Variants in GRIP1 observed in about 807,000 individuals in gnomAD.
The protein encoded by GRIP1 is glutamate receptor interacting protein 1.
Under a neutral mutation model 129.9 loss-of-function variants are expected in GRIP1, and 45 were observed. The ratio of observed to expected loss-of-function variants is 0.35; its 90% CI spans 0.27 to 0.44. The LOEUF (loss-of-function observed/expected upper bound fraction) is 0.44, where lower values mean the gene tolerates loss of function less well. Ranked by LOEUF, GRIP1 falls within the 20% of genes least tolerant of loss-of-function variation. The probability of loss-of-function intolerance (pLI) is 1.00; values close to 1 mark genes in which losing one functional copy is unlikely to be tolerated. For synonymous variants in GRIP1, 530 were observed against 520.8 expected, an observed-to-expected ratio of 1.02 and a Z score of -0.24; for missense variants, 1,196 against 1,396.8, an observed-to-expected ratio of 0.86 and a Z score of 2.29.
chr12:66,766,423 GCACACGGCA>G (rs760886727), intron 1 of GRIP1, among the ~76,000 whole-genome samples: 1 of 152,184 alleles, frequency 6.6e-6, no homozygotes, highest in Non-Finnish European at 1.5e-5. Context: ...CTCTTTGCCA[GCACACGGCA>G]CACACACCTT....
intron 1 of GRIP1, among the ~76,000 whole-genome samples, chr12:66,780,292 G>T (rs548512452): frequency 1.9e-4 from 29 of 152,202 alleles, no homozygotes; most frequent in Non-Finnish European, 3.1e-4. Context: ...GGGAACAGGA[G>T]AACCTCCAAA....
At chr12:66,578,080 G>C (rs2063204389) in intron 2 of GRIP1, among the ~76,000 whole-genome samples, 1 of 152,102 alleles carries the variant, frequency 6.6e-6, no homozygotes, top group South Asian at 2.1e-4. Flanking sequence ...CAGGATGAGT[G>C]AAACTGCTGA....
chr12:66,969,350 A>C (rs2042040160), intron 1 of GRIP1, among the ~76,000 whole-genome samples: 1 of 152,028 alleles, frequency 6.6e-6, no homozygotes, highest in South Asian at 2.1e-4. Context: ...TTACCTGTAT[A>C]TGTATGTTTC....
At chr12:66,656,115 A>C (rs933540533) in intron 1 of GRIP1, among the ~76,000 whole-genome samples, 6 of 152,190 alleles carry the variant, frequency 3.9e-5, no homozygotes, top group Admixed American at 3.3e-4. Context: ...TTTTGAGAGC[A>C]ATGAGCCTGT....
chr12:66,973,720 T>C (rs868608765), intron 1 of GRIP1, among the ~76,000 whole-genome samples: 5 of 152,044 alleles, frequency 3.3e-5, no homozygotes, highest in African/African-American at 7.2e-5. Context: ...TAAAGTAATT[T>C]TGTAGGTACC....
intron 2 of GRIP1, among the ~76,000 whole-genome samples, chr12:66,576,287 C>G (rs2063136698): frequency 6.6e-6 from 1 of 152,188 alleles, no homozygotes; most frequent in Non-Finnish European, 1.5e-5. Flanking sequence ...GAAAATGATA[C>G]CCAAAGCCTG....
At chr12:66,458,314 C>T (rs1375801572) in intron 9 of GRIP1, among the ~76,000 whole-genome samples, 1 of 152,228 alleles carries the variant, frequency 6.6e-6, no homozygotes, top group African/African-American at 2.4e-5. Flanking sequence ...TGCATACCTA[C>T]CTTCCACAAC....
In GRIP1 at chr12:66,886,177, G is replaced by A. The variant is rs541503879; in HGVS notation, c.58+182873C>T. Among the ~76,000 whole-genome samples, 9 of 152,084 alleles carry A rather than the reference G, an allele frequency of 5.9e-5. No homozygotes were observed. In the South Asian group the frequency reaches 1.9e-3, roughly 32 times the overall value. ...GCTAGTTGGGAGGCTGAGGCAGGAGGATCATTTGAACCCGGGAGTTGGAGG... is the reference window on the plus strand; with the variant it reads ...GCTAGTTGGGAGGCTGAGGCAGGAGAATCATTTGAACCCGGGAGTTGGAGG... On this transcript the variant is annotated intron_variant, in intron 1 of 1. Coordinates refer to the GRIP1 transcript ENST00000643019.
chr12:66,762,075 G>A (rs1036758312), intron 1 of GRIP1, among the ~76,000 whole-genome samples: 5 of 152,176 alleles, frequency 3.3e-5, no homozygotes, highest in African/African-American at 1.2e-4. Flanking sequence ...ACTTAACTCA[G>A]AGCCTGGCAC....
intron 1 of GRIP1, among the ~76,000 whole-genome samples, chr12:67,044,726 A>C (rs1172976307): frequency 6.6e-6 from 1 of 152,198 alleles, no homozygotes; most frequent in Non-Finnish European, 1.5e-5. Context: ...AACACATTCT[A>C]ATCCAGAGTC....
intron 1 of GRIP1, among the ~76,000 whole-genome samples, chr12:66,902,634 A>G (rs1243620550): frequency 1.3e-5 from 2 of 152,232 alleles, no homozygotes; most frequent in Non-Finnish European, 2.9e-5. Flanking sequence ...ATTGCAAAAG[A>G]GATACAGGGA....
intron 1 of GRIP1, among the ~76,000 whole-genome samples, chr12:66,849,622 C>A (rs1217449294): frequency 6.6e-6 from 1 of 151,932 alleles, no homozygotes; most frequent in Non-Finnish European, 1.5e-5. Context: ...TCTCAAAAAA[C>A]AAAAATGAAA....
At chr12:66,715,136 G>C (rs1267596330) in intron 1 of GRIP1, among the ~76,000 whole-genome samples, 1 of 151,986 alleles carries the variant, frequency 6.6e-6, no homozygotes, top group Non-Finnish European at 1.5e-5. Flanking sequence ...CTTCTCAGCT[G>C]AAAAATCTTC....
At chr12:66,782,379 A>C (rs2038189591) in intron 1 of GRIP1, among the ~76,000 whole-genome samples, 1 of 152,178 alleles carries the variant, frequency 6.6e-6, no homozygotes, top group African/African-American at 2.4e-5. Context: ...TTTTCTTCTT[A>C]ACACCTTTCT....
chr12:66,699,991 A>G (rs1320873530), intron 1 of GRIP1, among the ~76,000 whole-genome samples: 1 of 152,176 alleles, frequency 6.6e-6, no homozygotes, highest in East Asian at 1.9e-4. Context: ...GGGGCAAGTC[A>G]GGGACTAGCA....
intron 19 of GRIP1, among the ~76,000 whole-genome samples, chr12:66,391,157 TA>T (rs1480785620): frequency 1.3e-5 from 2 of 152,154 alleles, no homozygotes; most frequent in Non-Finnish European, 2.9e-5. Context: ...CAGACACTCC[TA>T]AAAAGTACAG....
At chr12:66,948,547 G>C (rs1364497209) in intron 1 of GRIP1, among the ~76,000 whole-genome samples, 1 of 152,142 alleles carries the variant, frequency 6.6e-6, no homozygotes, top group Non-Finnish European at 1.5e-5. Context: ...CTTCTGTCTT[G>C]AAGAAGCTCA....
rs764237962 is a variant in GRIP1, at chr12:66,465,409, T to C, written c.738A>G (p.Thr246=). 8.7e-6 allele frequency: 14 copies of C among 1,613,910 alleles called. No individual in the cohort carries two copies. The Admixed American group carries it at 2.2e-4, about 25-fold the overall frequency. Residue 246 remains threonine (T), a synonymous_variant, in exon 8 of 25, where the codon ACA becomes ACG. Transcript: ENST00000359742. ...CTTCGACTAGTAGTGGCCCGGATGC[T>C]GTTGCCACAGAGTCTGTCAAAGAAC... is the stretch of plus-strand genomic sequence containing the variant. ...YDVSVMDSVA[T]ASGPLLVEVA...
intron 2 of GRIP1, among the ~76,000 whole-genome samples, chr12:66,554,927 C>T (rs1403982854): frequency 6.6e-6 from 1 of 152,156 alleles, no homozygotes; most frequent in East Asian, 1.9e-4. Context: ...GGACCTGGCT[C>T]CTGAATGCCA....
Sources: gnomAD v4.1 joint callset for allele counts (sites outside exome capture counted in the v4.1 genomes callset) on GRCh38, gnomAD v4.1.1 for gene constraint, MANE v1.5 for transcripts, NCBI Gene and HGNC (gene_info 2026-07-23, HGNC 2026-07-21) for gene names.